COL19A1: variants seen among roughly 807,000 people sequenced by gnomAD.
COL19A1 encodes collagen alpha-1(XIX) chain.
Under a neutral mutation model 190.2 loss-of-function variants are expected in COL19A1, and 159 were observed. That is an observed-to-expected ratio of 0.84 (90% CI 0.73 to 0.95). The LOEUF (loss-of-function observed/expected upper bound fraction) is 0.95, where lower values mean the gene tolerates loss of function less well. COL19A1 is among the 40% of genes least tolerant of loss of function. The probability of loss-of-function intolerance (pLI) is 0.00; values close to 1 mark genes in which losing one functional copy is unlikely to be tolerated. For synonymous variants in COL19A1, 509 were observed against 458.9 expected (o/e 1.11, Z -1.39); for missense variants, 1,418 against 1,431.9 (o/e 0.99, Z 0.16).
chr6:70,112,993 A>G (rs1784368142), intron 16 of COL19A1, among the ~76,000 whole-genome samples: 1 of 152,196 alleles, frequency 6.6e-6, no homozygotes, highest in Admixed American at 6.5e-5. Flanking sequence ...ATTCTCATTC[A>G]ACATCCAGAG....
chr6:69,888,777 CA>C (rs35211332), intron 2 of COL19A1, among the ~76,000 whole-genome samples: 146 of 126,222 alleles, frequency 1.2e-3, no homozygotes, highest in Middle Eastern at 3.8e-3. Flanking sequence ...GACTCTAGCT[CA>C]AAAAAAAAAA....
intron 41 of COL19A1, among the ~76,000 whole-genome samples, chr6:70,172,414 T>G (rs1353463097): frequency 1.3e-5 from 2 of 151,954 alleles, no homozygotes; most frequent in Admixed American, 6.6e-5. Flanking sequence ...GATTTCCTGA[T>G]GTATCCAAAG....
chr6:70,186,818 C>T (rs1442290732), intron 46 of COL19A1, among the ~76,000 whole-genome samples: 1 of 152,142 alleles, frequency 6.6e-6, no homozygotes, highest in Non-Finnish European at 1.5e-5. Flanking sequence ...CATTTAGGCA[C>T]ATCTAATATA....
At chr6:70,008,517 ATTTCAGTTGTATACATTGT>A (rs1777773371) in intron 11 of COL19A1, among the ~76,000 whole-genome samples, 1 of 151,978 alleles carries the variant, frequency 6.6e-6, no homozygotes, top group Non-Finnish European at 1.5e-5. Flanking sequence ...GTATAGTCCT[ATTTCAGTTGTATACATTGT>A]AATAGTTAAA....
In COL19A1 at chr6:70,010,360, A is replaced by G. The variant is rs1002429503; in HGVS notation, c.1027-13267A>G. ...AAACAAAGCAAACGAGGGAGGAGCCAAGATGGCCGAATAGGAACAGCTCCG... is the reference window on the plus strand; with the variant it reads ...AAACAAAGCAAACGAGGGAGGAGCCGAGATGGCCGAATAGGAACAGCTCCG... On this transcript the variant is annotated intron_variant, in intron 11 of 50. Coordinates refer to ENST00000620364, the MANE Select transcript of COL19A1 (RefSeq NM_001858.6). Among the ~76,000 whole-genome samples, 11 of 122,936 alleles carry G rather than the reference A, an allele frequency of 8.9e-5. 1 individual carries two copies. The highest frequency in any genetic ancestry group is 3.1e-4 in the African/African-American group (11 of 35,900). 80.7% of individuals were successfully genotyped at this position (122,936 alleles called of 152,430 possible). A position where few individuals can be genotyped will look rare whatever the true frequency, so the allele number is the denominator to read the frequency against.
intron 11 of COL19A1, among the ~76,000 whole-genome samples, chr6:69,969,456 G>A (rs891228126): frequency 4.0e-5 from 6 of 151,716 alleles, no homozygotes; most frequent in African/African-American, 7.3e-5. Context: ...CATACAATTC[G>A]CCTGTGTTAT....
chr6:70,126,972 C>T (rs1043554659), intron 17 of COL19A1, among the ~76,000 whole-genome samples: 6 of 152,182 alleles, frequency 3.9e-5, no homozygotes, highest in African/African-American at 1.4e-4. Flanking sequence ...GAAAAATAAA[C>T]TTAATGGAAA....
chr6:70,090,870 C>T (rs1188015958), intron 15 of COL19A1, among the ~76,000 whole-genome samples: 4 of 152,166 alleles, frequency 2.6e-5, no homozygotes, highest in Admixed American at 1.3e-4. Flanking sequence ...TCTTCTCTAG[C>T]AACCTGTGTT....
At chr6:70,174,945 A>G (rs1035099181) in intron 41 of COL19A1, among the ~76,000 whole-genome samples, 1 of 152,242 alleles carries the variant, frequency 6.6e-6, no homozygotes, top group African/African-American at 2.4e-5. Flanking sequence ...AAATATTTTT[A>G]CTGACAAAGT....
intron 35 of COL19A1, among the ~76,000 whole-genome samples, chr6:70,162,593 A>T (rs1191292687): frequency 6.6e-6 from 1 of 152,206 alleles, no homozygotes; most frequent in African/African-American, 2.4e-5. Context: ...ATAATTGTTT[A>T]ATATAAGTTC....
At chr6:69,973,552 C>T (rs1166417134) in intron 11 of COL19A1, among the ~76,000 whole-genome samples, 2 of 152,046 alleles carry the variant, frequency 1.3e-5, no homozygotes, top group African/African-American at 4.8e-5. Context: ...GTAAAGGCAA[C>T]TCTCACATTT....
At chr6:69,921,458 TATC>T (rs1483691970) in intron 4 of COL19A1, among the ~76,000 whole-genome samples, 2 of 28,122 alleles carry the variant, frequency 7.1e-5, no homozygotes, top group Non-Finnish European at 1.6e-4. Context: ...ATATCATATA[TATC>T]ATATATATTC....
intron 46 of COL19A1, among the ~76,000 whole-genome samples, chr6:70,187,503 G>GCAATCTTCCTTTATCATT (rs1766606603): frequency 5.3e-3 from 2 of 380 alleles, no homozygotes; most frequent in African/African-American, 0.013. Flanking sequence ...TGAGATCCAG[G>GCAATCTTCCTTTATCATT]GGAAAGCCAG....
chr6:69,965,088 A>G (rs1775016579), intron 11 of COL19A1, among the ~76,000 whole-genome samples: 1 of 152,208 alleles, frequency 6.6e-6, no homozygotes, highest in Non-Finnish European at 1.5e-5. Context: ...TCACAACATA[A>G]TTTATTTTCT....
At chr6:70,051,275 AG>A (rs1252378590) in intron 14 of COL19A1, among the ~76,000 whole-genome samples, 5 of 152,310 alleles carry the variant, frequency 3.3e-5, no homozygotes, top group African/African-American at 1.2e-4. Flanking sequence ...TAGACTTACC[AG>A]TGTCAAGAAC....
intron 4 of COL19A1, among the ~76,000 whole-genome samples, chr6:69,916,617 A>C (rs1323027195): frequency 6.6e-6 from 1 of 152,224 alleles, no homozygotes; most frequent in Non-Finnish European, 1.5e-5. Flanking sequence ...CAAATGTCAG[A>C]ATAAATACTT....
chr6:69,928,581 A>G (rs978451369), intron 5 of COL19A1, among the ~76,000 whole-genome samples: 1 of 152,206 alleles, frequency 6.6e-6, no homozygotes, highest in African/African-American at 2.4e-5. Context: ...CTAGGAGAAC[A>G]ACATAATATA....
At chr6:70,196,023 C>T (rs1320881299) in intron 48 of COL19A1, among the ~76,000 whole-genome samples, 3 of 152,172 alleles carry the variant, frequency 2.0e-5, no homozygotes, top group Non-Finnish European at 4.4e-5. Context: ...AAGCAACATA[C>T]TCATTAAGGT....
intron 4 of COL19A1, among the ~76,000 whole-genome samples, chr6:69,909,949 A>G (rs1462940204): frequency 6.6e-6 from 1 of 152,182 alleles, no homozygotes; most frequent in Non-Finnish European, 1.5e-5. Context: ...TATAAGCCTT[A>G]CAGGGTAGAG....
Sources: allele counts gnomAD v4.1 joint callset (sites outside exome capture counted in the v4.1 genomes callset), GRCh38; gene constraint gnomAD v4.1.1; transcripts MANE v1.5; gene names NCBI Gene and HGNC (gene_info 2026-07-23, HGNC 2026-07-21).